Variants in LSAMP observed in about 807,000 individuals in gnomAD.
LSAMP encodes limbic system-associated membrane protein.
Under a neutral mutation model 38.6 loss-of-function variants are expected in LSAMP, and 7 were observed. The observed-to-expected ratio is 0.18, with a 90% confidence interval of 0.10 to 0.34. The LOEUF is 0.34. Among genes scored for constraint, LSAMP ranks in the 10% least tolerant of loss-of-function variants. The pLI, the probability that LSAMP is intolerant of heterozygous loss-of-function variation, is 1.00. For synonymous variants in LSAMP, 154 were observed against 166.8 expected, an observed-to-expected ratio of 0.92 and a Z score of 0.59; for missense variants, 313 against 420.0, an observed-to-expected ratio of 0.75 and a Z score of 2.23.
chr3:115,969,461 A>C (rs1206424229), intron 3 of LSAMP, among the ~76,000 whole-genome samples: 6 of 152,154 alleles, frequency 3.9e-5, no homozygotes, highest in Non-Finnish European at 7.3e-5. Context: ...GATACAGCAG[A>C]GCACTTCTTC....
intron 1 of LSAMP, among the ~76,000 whole-genome samples, chr3:116,384,640 A>G (rs1019492390): frequency 1.3e-5 from 2 of 152,152 alleles, no homozygotes; most frequent in Non-Finnish European, 2.9e-5. Context: ...TTGATGACAG[A>G]TGGTGCATTG....
intron 1 of LSAMP, among the ~76,000 whole-genome samples, chr3:116,214,486 A>T: frequency 6.7e-6 from 1 of 149,612 alleles, no homozygotes; most frequent in Non-Finnish European, 1.5e-5. Context: ...TCAAATAAAG[A>T]GTAAAAATGG....
intron 3 of LSAMP, among the ~76,000 whole-genome samples, chr3:115,905,098 T>A (rs977068726): frequency 3.3e-5 from 5 of 152,134 alleles, no homozygotes. Context: ...TAAAATGCTC[T>A]TTTGCACAGC....
At chr3:116,259,242 T>C (rs566371021) in intron 1 of LSAMP, among the ~76,000 whole-genome samples, 1 of 152,302 alleles carries the variant, frequency 6.6e-6, no homozygotes, top group South Asian at 2.1e-4. Flanking sequence ...ACAGTGCACA[T>C]GCCTCAATCA....
intron 1 of LSAMP, among the ~76,000 whole-genome samples, chr3:116,124,519 T>C (rs1708960578): frequency 6.6e-6 from 1 of 152,222 alleles, no homozygotes. Context: ...TTAAGCATTT[T>C]AAATTCATTA....
intron 1 of LSAMP, among the ~76,000 whole-genome samples, chr3:116,253,871 T>A (rs2046717829): frequency 6.6e-6 from 1 of 152,204 alleles, no homozygotes; most frequent in South Asian, 2.1e-4. Flanking sequence ...TGCAAGCTCA[T>A]TCTCATTTCC....
At chr3:115,817,399 T>C (rs1051909089) in intron 6 of LSAMP, among the ~76,000 whole-genome samples, 1 of 152,218 alleles carries the variant, frequency 6.6e-6, no homozygotes, top group African/African-American at 2.4e-5. Flanking sequence ...TCTCAAATAC[T>C]GTATCCCTAG....
chr3:116,007,212 C>T, intron 3 of LSAMP, among the ~76,000 whole-genome samples: 1 of 152,044 alleles, frequency 6.6e-6, no homozygotes, highest in East Asian at 1.9e-4. Flanking sequence ...TTTGAGTTGA[C>T]CAACTTGAGA....
chr3:116,296,750 C>T (rs1004128773), intron 1 of LSAMP, among the ~76,000 whole-genome samples: 3 of 144,582 alleles, frequency 2.1e-5, no homozygotes, highest in Non-Finnish European at 3.0e-5. Flanking sequence ...TACTGAGGCT[C>T]TACTCCTATG....
In LSAMP at chr3:115,875,952, A is replaced by G. The variant is rs571167832; in HGVS notation, c.515-23335T>C. Among the ~76,000 whole-genome samples the G allele has an allele frequency of 6.6e-5, 10 of 152,240 alleles. No homozygotes were observed. In the East Asian group the frequency reaches 1.7e-3, roughly 26 times the overall value. On this transcript the variant is annotated intron_variant, in intron 3 of 6. Coordinates refer to ENST00000490035, the MANE Select transcript of LSAMP (RefSeq NM_002338.5). Reference sequence around the variant, plus strand: ...AACAGCAGGCTTCTGATGTATTTTTATAAAGGCAAAATTCTCCCCTAACTT... The same window carrying G: ...AACAGCAGGCTTCTGATGTATTTTTGTAAAGGCAAAATTCTCCCCTAACTT...
intron 3 of LSAMP, among the ~76,000 whole-genome samples, chr3:115,957,817 T>C (rs1938499431): frequency 6.6e-6 from 1 of 152,152 alleles, no homozygotes; most frequent in Non-Finnish European, 1.5e-5. Flanking sequence ...AACATGCTCT[T>C]CTCAAACCAT....
At chr3:116,118,637 G>C (rs1451648304) in intron 1 of LSAMP, among the ~76,000 whole-genome samples, 1 of 152,082 alleles carries the variant, frequency 6.6e-6, no homozygotes. Context: ...ATTTGCTCAG[G>C]ATTACAGAGT....
At chr3:116,012,618 T>C (rs928262973) in intron 3 of LSAMP, among the ~76,000 whole-genome samples, 16 of 152,144 alleles carry the variant, frequency 1.1e-4, no homozygotes, top group Non-Finnish European at 1.8e-4. Flanking sequence ...GGGTGAAATG[T>C]AATATAAGAT....
At chr3:116,183,307 C>T (rs771794207) in intron 1 of LSAMP, among the ~76,000 whole-genome samples, 2 of 151,858 alleles carry the variant, frequency 1.3e-5, no homozygotes, top group Non-Finnish European at 2.9e-5. Flanking sequence ...TTAAATTCAT[C>T]ATGATTGCAT....
chr3:116,357,691 A>G (rs1011202075), intron 1 of LSAMP, among the ~76,000 whole-genome samples: 13 of 152,166 alleles, frequency 8.5e-5, no homozygotes, highest in African/African-American at 2.4e-4. Context: ...CACATTTTAT[A>G]TATATGCTGC....
intron 1 of LSAMP, among the ~76,000 whole-genome samples, chr3:116,241,517 G>C (rs2046533649): frequency 6.6e-6 from 1 of 152,192 alleles, no homozygotes; most frequent in Non-Finnish European, 1.5e-5. Flanking sequence ...CAGTGAGCTG[G>C]ATTGTGCCAC....
chr3:116,291,709 C>T (rs961518336), intron 1 of LSAMP, among the ~76,000 whole-genome samples: 4 of 152,058 alleles, frequency 2.6e-5, no homozygotes, highest in Non-Finnish European at 5.9e-5. Flanking sequence ...TTCTGATGCC[C>T]CATTGTAACT....
intron 6 of LSAMP, among the ~76,000 whole-genome samples, chr3:115,821,097 C>T (rs1237015208): frequency 2.6e-5 from 4 of 152,232 alleles, no homozygotes; most frequent in South Asian, 4.1e-4. Context: ...TCTCTCACTA[C>T]GTGATGTGAT....
At chr3:115,918,628 ACT>A (rs1249621172) in intron 3 of LSAMP, among the ~76,000 whole-genome samples, 1 of 151,204 alleles carries the variant, frequency 6.6e-6, no homozygotes, top group African/African-American at 2.4e-5. Flanking sequence ...ATGAACTGCA[ACT>A]CTCAGTGGCT....
Sources: allele counts gnomAD v4.1 joint callset (sites outside exome capture counted in the v4.1 genomes callset), GRCh38; gene constraint gnomAD v4.1.1; transcripts MANE v1.5; gene names NCBI Gene and HGNC (gene_info 2026-07-23, HGNC 2026-07-21).